The following GPR161 variants were observed in gnomAD, a reference collection of about 807,000 sequenced individuals.
GPR161 encodes the protein G protein-coupled receptor 161, also known as G-protein coupled receptor RE2.
Under a neutral mutation model 39.2 loss-of-function variants are expected in GPR161, and 25 were observed. That is an observed-to-expected ratio of 0.64 (90% CI 0.47 to 0.89). GPR161 has a LOEUF of 0.89. Ranked by LOEUF, GPR161 falls within the 40% of genes least tolerant of loss-of-function variation. The pLI is 0.00. For missense variants in GPR161, 547 were observed against 677.8 expected, an observed-to-expected ratio of 0.81 and a Z score of 2.14; for synonymous variants, 286 against 276.6, an observed-to-expected ratio of 1.03 and a Z score of -0.34.
At chr1:168,106,168 T>G (rs1263740737) in intron 1 of GPR161, among the ~76,000 whole-genome samples, 1 of 152,230 alleles carries the variant, frequency 6.6e-6, no homozygotes, top group Non-Finnish European at 1.5e-5. Context: ...TCTATGACTC[T>G]CTTGATTTGC....
At position 168,085,459 on chromosome 1, in the gene GPR161, G is replaced by A. The variant is rs1394583590; in HGVS notation, c.*72C>T. 14 of 1,438,298 alleles carry A rather than the reference G, an allele frequency of 9.7e-6. No individual in the cohort carries two copies. The highest frequency in any genetic ancestry group is 2.8e-5 in the African/African-American group (2 of 71,064). The allele number at this position is 1,438,298 out of a possible 1,614,324, so 89.1% of individuals were successfully genotyped here. ...CACAGTGACATGCTCCCAAGGCCGC[G>A]GCACAGGCGGTGATGGGAACTCCTC... On this transcript the variant is annotated 3_prime_UTR_variant, in exon 6 of 6. Transcript: ENST00000682931.
intron 4 of GPR161, chr1:168,088,607 T>C (rs533507662): frequency 1.1e-4 from 17 of 152,388 alleles, no homozygotes; most frequent in African/African-American, 4.1e-4. Context: ...TTTCCACGTC[T>C]GTAAACCTGG....
intron 4 of GPR161, chr1:168,088,660 G>A (rs1467679337): frequency 6.6e-6 from 1 of 152,216 alleles, no homozygotes; most frequent in Non-Finnish European, 1.5e-5. Flanking sequence ...GGGATTTTGA[G>A]TTGAGACATG....
chr1:168,133,813 T>G, intron 1 of GPR161: 9 of 417,318 alleles, frequency 2.2e-5, no homozygotes, highest in Non-Finnish European at 2.9e-5. Context: ...GGTCCTAAAG[T>G]GAGAAATGTA....
intron 1 of GPR161, among the ~76,000 whole-genome samples, chr1:168,119,112 G>A (rs964175963): frequency 6.7e-6 from 1 of 149,664 alleles, no homozygotes; most frequent in African/African-American, 2.5e-5. Context: ...TGAAAGCAAG[G>A]TCTCAAAGAG....
chr1:168,085,638 G>C lies in GPR161; in HGVS notation c.1483C>G (p.Pro495Ala), dbSNP rs535791878. 2 of 1,613,988 alleles carry C rather than the reference G, an allele frequency of 1.2e-6. No individual in the cohort carries two copies. Among genetic ancestry groups the C allele is most frequent in the African/African-American group, 1.3e-5 (1 of 74,938 alleles). ...CGGCGGCCCCCGAAGCCGCCCCCCG[G>C]GACAGTCCGTGCTGTAACCAAGACC... ...PGVLVTARTV[P>A]GGGFGGRRGS... The change falls in exon 6 of 6, where the codon CCG becomes GCG. Residue 495 changes from proline (P) to alanine (A), a missense_variant. Coordinates refer to ENST00000682931, the MANE Select transcript of GPR161 (RefSeq NM_001375883.1).
chr1:168,101,499 C>A (rs1214029942), intron 2 of GPR161, among the ~76,000 whole-genome samples: 2 of 152,178 alleles, frequency 1.3e-5, no homozygotes, highest in Non-Finnish European at 2.9e-5. Flanking sequence ...CGCTAGCTGG[C>A]TGCTGGAATG....
chr1:168,094,653 A>C (rs1695357718), intron 3 of GPR161, among the ~76,000 whole-genome samples: 1 of 152,242 alleles, frequency 6.6e-6, no homozygotes, highest in African/African-American at 2.4e-5. Context: ...GACCTATTTC[A>C]TGAAGATGAG....
intron 4 of GPR161, chr1:168,088,860 T>C (rs2102104141): frequency 6.6e-6 from 1 of 152,322 alleles, no homozygotes; most frequent in East Asian, 1.9e-4. Context: ...CCACGTATGC[T>C]TCAGCTTTCG....
intron 1 of GPR161, among the ~76,000 whole-genome samples, chr1:168,119,242 A>G (rs1429057681): frequency 1.0e-4 from 12 of 115,524 alleles, no homozygotes; most frequent in Admixed American, 2.5e-4. Context: ...ATATATATAT[A>G]CACATATATA....
intron 4 of GPR161, chr1:168,088,854 G>GT (rs1281396809): frequency 2.6e-5 from 4 of 152,178 alleles, no homozygotes; most frequent in African/African-American, 9.7e-5. Flanking sequence ...CACCTTCCAC[G>GT]TATGCTTCAG....
At chr1:168,108,783 A>T (rs1357926408) in intron 1 of GPR161, among the ~76,000 whole-genome samples, 1 of 152,194 alleles carries the variant, frequency 6.6e-6, no homozygotes, top group Non-Finnish European at 1.5e-5. Flanking sequence ...TGATATAACC[A>T]TAAAGAGAAA....
intron 1 of GPR161, chr1:168,136,356 C>G: frequency 1.4e-6 from 2 of 1,473,030 alleles, no homozygotes; most frequent in East Asian, 5.7e-5. Context: ...GGGCGCGGCC[C>G]GCATCGGCAG....
intron 1 of GPR161, among the ~76,000 whole-genome samples, chr1:168,119,542 G>A (rs890163036): frequency 6.6e-6 from 1 of 151,950 alleles, no homozygotes; most frequent in African/African-American, 2.4e-5. Flanking sequence ...TGAGAATAGG[G>A]TTTCTACAAG....
rs964925137 is a variant in GPR161 at position 168,098,583 on chromosome 1, TG to T, written c.375-1352del. Reference sequence around the variant, plus strand: ...CACAGGGACCGCCCTGAGTCACCCTTGGGCCCCAGCAGCTGAACTGCCACAT... The same window carrying T: ...CACAGGGACCGCCCTGAGTCACCCTTGGCCCCAGCAGCTGAACTGCCACAT... On this transcript the variant is annotated intron_variant, in intron 2 of 5. Transcript: ENST00000682931. This position sits in a 1 kb window ranked among gnomAD's most constrained non-coding sequence, Gnocchi z 4.1. Among the ~76,000 whole-genome samples, 22 of 152,222 alleles carry T rather than the reference TG, an allele frequency of 1.4e-4. No homozygotes were observed. Among genetic ancestry groups the T allele is most frequent in the African/African-American group, 5.1e-4 (21 of 41,464 alleles).
chr1:168,116,260 C>T lies in GPR161; in HGVS notation c.-44-11366G>A, dbSNP rs903246088. On this transcript the variant is annotated intron_variant, in intron 1 of 5. Coordinates refer to ENST00000682931, the MANE Select transcript of GPR161 (RefSeq NM_001375883.1). ...TGACCAGCCTGCAGCACTGGGACTT[C>T]CAGCTGCCCTCTTCTAAAGAAATCA... Among the ~76,000 whole-genome samples, 9 of 152,326 alleles carry T rather than the reference C, an allele frequency of 5.9e-5. No individual in the cohort carries two copies. In the East Asian group the frequency reaches 1.7e-3, roughly 29 times the overall value.
intron 1 of GPR161, among the ~76,000 whole-genome samples, chr1:168,111,606 T>C (rs1193510103): frequency 6.6e-6 from 1 of 152,208 alleles, no homozygotes; most frequent in East Asian, 1.9e-4. Context: ...GAAAGGCTGG[T>C]CCTTGGGCTA....
intron 1 of GPR161, chr1:168,114,590 A>G (rs1697471530): frequency 6.6e-6 from 1 of 151,742 alleles, no homozygotes; most frequent in South Asian, 2.1e-4. Context: ...GCTGAAGCCA[A>G]CTGTCTGGGT....
chr1:168,113,303 T>C (rs537855400), intron 1 of GPR161, among the ~76,000 whole-genome samples: 1 of 152,258 alleles, frequency 6.6e-6, no homozygotes, highest in African/African-American at 2.4e-5. Context: ...CCGAGAAACA[T>C]CTAGACAAAG....
Sources: allele counts gnomAD v4.1 joint callset (sites outside exome capture counted in the v4.1 genomes callset), GRCh38; gene constraint gnomAD v4.1.1; non-coding constraint Gnocchi (gnomAD v3.1); transcripts MANE v1.5; gene names NCBI Gene and HGNC (gene_info 2026-07-23, HGNC 2026-07-21).